ATP8A2: variants seen among roughly 807,000 people sequenced by gnomAD.
ATP8A2 encodes phospholipid-transporting ATPase IB.
In ATP8A2, 100 loss-of-function variants were observed where a neutral mutation model predicts 165.6. The observed-to-expected ratio is 0.60, with a 90% CI of 0.51 to 0.71. ATP8A2 has a LOEUF of 0.71. Ranked by LOEUF, ATP8A2 falls within the 30% of genes least tolerant of loss-of-function variation. The pLI, the probability that ATP8A2 is intolerant of heterozygous loss-of-function variation, is 0.00. For missense variants in ATP8A2, 1,227 were observed against 1,479.5 expected, an observed-to-expected ratio of 0.83 and a Z score of 2.80; for synonymous variants, 543 against 548.8, an observed-to-expected ratio of 0.99 and a Z score of 0.15.
intron 1 of ATP8A2, among the ~76,000 whole-genome samples, chr13:25,444,578 A>G (rs1025814488): frequency 2.0e-5 from 3 of 151,786 alleles, no homozygotes; most frequent in Non-Finnish European, 2.9e-5. Flanking sequence ...GTGTGCAGTG[A>G]TATCTCCTTA....
chr13:25,764,097 A>C (rs1178419121), intron 25 of ATP8A2, among the ~76,000 whole-genome samples: 1 of 152,212 alleles, frequency 6.6e-6, no homozygotes, highest in Admixed American at 6.5e-5. Flanking sequence ...ACACTTTTCC[A>C]ATTGAAATCT....
intron 2 of ATP8A2, among the ~76,000 whole-genome samples, chr13:25,502,056 A>G (rs758192272): frequency 5.3e-5 from 8 of 152,224 alleles, no homozygotes; most frequent in Non-Finnish European, 1.0e-4. Flanking sequence ...CAGATCCCAT[A>G]CCGTGGCTTC....
At chr13:25,876,706 T>C (rs1952828082) in intron 33 of ATP8A2, among the ~76,000 whole-genome samples, 1 of 152,216 alleles carries the variant, frequency 6.6e-6, no homozygotes, top group Non-Finnish European at 1.5e-5. Flanking sequence ...TATCAACATA[T>C]GAATTTTATT....
At chr13:25,471,154 A>G (rs12864231) in intron 2 of ATP8A2, among the ~76,000 whole-genome samples, 10,557 of 152,240 alleles carry the variant, frequency 0.069, 496 homozygotes, top group African/African-American at 0.12. Flanking sequence ...TTTCTAAAAG[A>G]TATATACTGT....
At chr13:25,790,767 G>A (rs559517528) in intron 27 of ATP8A2, among the ~76,000 whole-genome samples, 1 of 149,818 alleles carries the variant, frequency 6.7e-6, no homozygotes, top group African/African-American at 2.4e-5. Flanking sequence ...TGGCCAACAA[G>A]CATACAAAAT....
rs1277329149 is a variant in ATP8A2, at chr13:25,750,801, G to A, written c.2385-18245G>A. ...TTCTGTTTTGAAAGAGTTGCTTGGG[G>A]AAAAAAAAAAGGAATCTTTTTGGAA... is the stretch of plus-strand genomic sequence containing the variant. On this transcript the variant is annotated intron_variant, in intron 25 of 36. Coordinates refer to ENST00000381655, the MANE Select transcript of ATP8A2 (RefSeq NM_016529.6). This position sits in a 1 kb window ranked among gnomAD's most constrained non-coding sequence, Gnocchi z 4.3. 1.4e-5 allele frequency among the ~76,000 whole-genome samples: 2 copies of A among 147,604 alleles called. No homozygotes were observed. The highest frequency in any genetic ancestry group is 3.0e-5 in the Non-Finnish European group (2 of 66,732).
At chr13:25,886,369 T>C (rs1265570924) in intron 33 of ATP8A2, among the ~76,000 whole-genome samples, 1 of 152,086 alleles carries the variant, frequency 6.6e-6, no homozygotes, top group Non-Finnish European at 1.5e-5. Flanking sequence ...ACGGTGGCAC[T>C]TGCCCTGGCT....
chr13:25,503,706 G>C (rs1000914049), intron 2 of ATP8A2, among the ~76,000 whole-genome samples: 2 of 152,278 alleles, frequency 1.3e-5, no homozygotes, highest in African/African-American at 2.4e-5. Flanking sequence ...GAAAAGGATA[G>C]TCATACAGTC....
At chr13:25,827,711 T>C (rs946399876) in intron 27 of ATP8A2, among the ~76,000 whole-genome samples, 1 of 152,248 alleles carries the variant, frequency 6.6e-6, no homozygotes, top group Non-Finnish European at 1.5e-5. Context: ...TTGTTGTTGT[T>C]TTTAATTTAT....
At chr13:25,833,199 A>G (rs1369466333) in intron 28 of ATP8A2, among the ~76,000 whole-genome samples, 1 of 152,054 alleles carries the variant, frequency 6.6e-6, no homozygotes, top group South Asian at 2.1e-4. Context: ...TAAAAGTCTT[A>G]TTGAACAAAT....
rs527262854 is a variant in ATP8A2, at chr13:25,895,099, C to T, written c.3183+32691C>T. Among the ~76,000 whole-genome samples, 4 of 152,310 alleles carry T rather than the reference C, an allele frequency of 2.6e-5. No homozygotes were observed. The East Asian group carries it at 7.7e-4, about 29-fold the overall frequency. On this transcript the variant is annotated intron_variant, in intron 33 of 36. Coordinates refer to ENST00000381655, the MANE Select transcript of ATP8A2 (RefSeq NM_016529.6). Reference sequence around the variant, plus strand: ...GAATAGGAGTGGTGAGAGAGGGCATCCCTGTCTTGTGCCATTTTTCAAAAA... The same window carrying T: ...GAATAGGAGTGGTGAGAGAGGGCATTCCTGTCTTGTGCCATTTTTCAAAAA...
intron 35 of ATP8A2, among the ~76,000 whole-genome samples, chr13:25,978,007 A>C (rs1249933270): frequency 6.6e-6 from 1 of 152,074 alleles, no homozygotes; most frequent in African/African-American, 2.4e-5. Context: ...AACTTTCTCT[A>C]TTTGCCAACA....
chr13:25,926,740 C>T (rs1055718726), intron 33 of ATP8A2, among the ~76,000 whole-genome samples: 1 of 152,224 alleles, frequency 6.6e-6, no homozygotes, highest in African/African-American at 2.4e-5. Context: ...TGATTCACGC[C>T]TGTAATCTCA....
rs59861010 is a variant in ATP8A2 at position 25,607,410 on chromosome 13, C to T, written c.2211+17711C>T. Among the ~76,000 whole-genome samples, 804 of 152,298 alleles carry T rather than the reference C, an allele frequency of 5.3e-3. 9 individuals carry two copies. The highest frequency in any genetic ancestry group is 0.021 in the South Asian group (99 of 4,824). On this transcript the variant is annotated intron_variant, in intron 24 of 36. Coordinates refer to ENST00000381655, the MANE Select transcript of ATP8A2 (RefSeq NM_016529.6). ...AAGGCAGAGTTGAGTACAGATGCCCCTCGACTCATATTGGGTTTACTTCTG... is the reference window on the plus strand; with the variant it reads ...AAGGCAGAGTTGAGTACAGATGCCCTTCGACTCATATTGGGTTTACTTCTG...
chr13:25,758,353 T>C (rs903204525), intron 25 of ATP8A2, among the ~76,000 whole-genome samples: 1 of 152,196 alleles, frequency 6.6e-6, no homozygotes, highest in Non-Finnish European at 1.5e-5. Flanking sequence ...CTATTGTGTA[T>C]GATGCTAAAG....
intron 25 of ATP8A2, among the ~76,000 whole-genome samples, chr13:25,746,875 A>G (rs1485338848): frequency 3.3e-5 from 5 of 152,196 alleles, no homozygotes; most frequent in Non-Finnish European, 7.4e-5. Context: ...TTTTATGTTA[A>G]ACATTGTGCT....
chr13:25,531,269 AT>A (rs2038052557), intron 4 of ATP8A2, among the ~76,000 whole-genome samples: 1 of 104,754 alleles, frequency 9.5e-6, no homozygotes, highest in Non-Finnish European at 1.9e-5. Flanking sequence ...TATGATATAT[AT>A]GATATATATG....
At chr13:25,731,418 G>A (rs1023694757) in intron 25 of ATP8A2, among the ~76,000 whole-genome samples, 4 of 151,928 alleles carry the variant, frequency 2.6e-5, no homozygotes, top group African/African-American at 7.3e-5. Context: ...AAAGAGAGAG[G>A]TGGGAATAAA....
chr13:25,881,897 G>C (rs1302789115), intron 33 of ATP8A2, among the ~76,000 whole-genome samples: 1 of 152,218 alleles, frequency 6.6e-6, no homozygotes, highest in Admixed American at 6.5e-5. Context: ...CTAAAAGGCA[G>C]AGAGGTCCTG....
Sources: allele counts gnomAD v4.1 joint callset (sites outside exome capture counted in the v4.1 genomes callset), GRCh38; gene constraint gnomAD v4.1.1; non-coding constraint Gnocchi (gnomAD v3.1); transcripts MANE v1.5; gene names NCBI Gene and HGNC (gene_info 2026-07-23, HGNC 2026-07-21).